Variants in DDB1 observed in about 807,000 individuals in gnomAD.
The protein encoded by DDB1 is damage specific DNA binding protein 1.
Under a neutral mutation model 133.1 loss-of-function variants are expected in DDB1, and 18 were observed. That is an observed-to-expected ratio of 0.14 (90% CI 0.09 to 0.20). The LOEUF is 0.20. DDB1 is among the 10% of genes least tolerant of loss of function. DDB1 has a pLI of 1.00. For missense variants in DDB1, 828 were observed against 1,459.2 expected (o/e 0.57, Z 7.05); for synonymous variants, 580 against 550.5 (o/e 1.05, Z -0.75).
At chr11:61,302,544 G>A in intron 24 of DDB1, 38 bp downstream of exon 24, 7 of 1,610,858 alleles carry the variant, frequency 4.3e-6, no homozygotes, top group Non-Finnish European at 5.9e-6. Flanking sequence ...TCAGGAAGGA[G>A]GCCTGTGTGG....
Position 61,309,084 on chromosome 11 carries a change from G to A in DDB1, c.2567-7C>T. On this transcript the variant is annotated splice_region_variant and splice_polypyrimidine_tract_variant and intron_variant, in intron 20 of 26. Transcript: ENST00000301764. ...GCCACAGTCTGTAGTTTTCCTGGGG[G>A]TGGAAAAAATATGTTTGAGTCTCTA... The A allele has an allele frequency of 6.2e-7, 1 of 1,613,618 alleles. No individual in the cohort carries two copies. The highest frequency in any genetic ancestry group is 8.5e-7 in the Non-Finnish European group (1 of 1,179,648).
At position 61,300,850 on chromosome 11, in the gene DDB1, T is replaced by C; in HGVS notation, c.3298A>G (p.Ile1100Val). 6.2e-7 allele frequency: 1 copy of C among 1,614,172 alleles called. No homozygotes were observed. Among genetic ancestry groups the C allele is most frequent in the African/African-American group, 1.3e-5 (1 of 75,040 alleles). Reference protein sequence around the residue: ...DGDLIESFLDISRPKMQEVVA... With the variant: ...DGDLIESFLDVSRPKMQEVVA... ...ACCTCCTGCATCTTGGGGCGGCTAA[T>C]ATCCAGGAAACTCTCAATCAAGTCA... Residue 1100 changes from isoleucine (I) to valine (V), a missense_variant, in exon 26 of 27, where the codon ATT (isoleucine) becomes GTT (valine). Ile to Val is a conservative substitution (Grantham distance 29). Coordinates refer to ENST00000301764, the MANE Select transcript of DDB1 (RefSeq NM_001923.5).
chr11:61,322,463 C>T (rs1019647609), intron 8 of DDB1, 51 bp from the exon 9 acceptor site: 2 of 1,341,134 alleles, frequency 1.5e-6, no homozygotes, highest in Non-Finnish European at 2.1e-6. Context: ...CTAACAGACC[C>T]ACCCAAAAGA....
intron 12 of DDB1, chr11:61,315,738 TCGTGG>T (rs1856051764): frequency 6.6e-6 from 1 of 152,592 alleles, no homozygotes; most frequent in Non-Finnish European, 1.5e-5. Flanking sequence ...AATGAGGCTC[TCGTGG>T]ATAACAATAT....
chr11:61,324,021 G>A lies in DDB1; in HGVS notation c.879C>T (p.Gly293=). 6.2e-7 allele frequency: 1 copy of A among 1,613,516 alleles called. No homozygotes were observed. Among genetic ancestry groups the A allele is most frequent in the South Asian group, 1.1e-5 (1 of 91,064 alleles). ...CACGGAGATCCTTGAGAGTGACGGT[G>A]CCATCCATCTGTTCCTCCTTCTCCA... is the stretch of plus-strand genomic sequence containing the variant. ...LLLEKEEQMD[G]TVTLKDLRVE... The change falls in exon 7 of 27, where the codon GGC becomes GGT. Residue 293 remains glycine (G), a synonymous_variant. Coordinates refer to ENST00000301764, the MANE Select transcript of DDB1 (RefSeq NM_001923.5).
At position 61,316,397 on chromosome 11, in the gene DDB1, C is replaced by T. The variant is rs943624259; in HGVS notation, c.1302-4G>A. The T allele has an allele frequency of 1.9e-6, 3 of 1,613,954 alleles. No homozygotes were observed. Among genetic ancestry groups the T allele is most frequent in the Non-Finnish European group, 2.5e-6 (3 of 1,179,826 alleles). ...CTCTCCATTTAACATGAGAACTCTG[C>T]AGCAGAATGGAGGGCCTGGGTCAGC... On this transcript the variant is annotated splice_polypyrimidine_tract_variant and splice_region_variant and intron_variant, in intron 11 of 26. Transcript: ENST00000301764.
chr11:61,303,310 C>A (rs28720349), intron 22 of DDB1, 155 bp from the exon 23 acceptor site: 8 of 657,988 alleles, frequency 1.2e-5, no homozygotes, highest in African/African-American at 1.8e-5. Flanking sequence ...GGATTCTCCC[C>A]GACCTCTCTG....
rs1855983584 is a variant in DDB1 at position 61,312,142 on chromosome 11, G to A, written c.2070-58C>T. 3.4e-6 allele frequency: 5 copies of A among 1,485,526 alleles called. No individual in the cohort carries two copies. The Admixed American group carries it at 5.0e-5, about 15-fold the overall frequency. 92.0% of individuals were successfully genotyped at this position (1,485,526 alleles called of 1,614,324 possible). A position where few individuals can be genotyped will look rare whatever the true frequency, so the allele number is the denominator to read the frequency against. ...GACTCAAGGAAGGCAAAGATTCTAT[G>A]AGGCAACTCCACAGAGGAAGAAAAA... On this transcript the variant is annotated intron_variant, in intron 16 of 26. Coordinates refer to ENST00000301764, the MANE Select transcript of DDB1 (RefSeq NM_001923.5).
At position 61,300,042 on chromosome 11, in the gene DDB1, C is replaced by G; in HGVS notation, c.*94G>C. The G allele has an allele frequency of 7.5e-7, 1 of 1,329,020 alleles. No individual in the cohort carries two copies. The highest frequency in any genetic ancestry group is 1.2e-5 in the South Asian group (1 of 83,320). The allele number at this position is 1,329,020 out of a possible 1,614,324, so 82.3% of individuals were successfully genotyped here. On this transcript the variant is annotated 3_prime_UTR_variant, in exon 27 of 27. Coordinates refer to ENST00000301764, the MANE Select transcript of DDB1 (RefSeq NM_001923.5). ...GGGGGCAGCTGGCTTAGGGAAAGGC[C>G]TCCCATGGCCAAGAAGACGATGGTG...
intron 10 of DDB1, among the ~76,000 whole-genome samples, chr11:61,316,941 GGATAGATATAT>G (rs1565034162): frequency 1.0e-4 from 2 of 19,354 alleles, no homozygotes; most frequent in African/African-American, 9.4e-4. Flanking sequence ...AAAAAAAAAA[GGATAGATATAT>G]ATATATATAT....
chr11:61,312,640 C>A (rs185763235), intron 16 of DDB1, among the ~76,000 whole-genome samples: 1 of 151,688 alleles, frequency 6.6e-6, no homozygotes, highest in East Asian at 1.9e-4. Context: ...TTTCTTGTCA[C>A]CAGGCTGGAG....
rs752964001 is a variant in DDB1, at chr11:61,300,858, A to C, written c.3290T>G (p.Phe1097Cys). 6.2e-7 allele frequency: 1 copy of C among 1,614,026 alleles called. No homozygotes were observed. The highest frequency in any genetic ancestry group is 8.5e-7 in the Non-Finnish European group (1 of 1,180,038). Residue 1097 changes from phenylalanine to cysteine, a missense_variant, in exon 26 of 27, where the codon TTC becomes TGC. This residue lies in a region of DDB1 where 116 missense variants were observed against 221.6 expected (regional missense o/e 0.52). Coordinates refer to ENST00000301764, the MANE Select transcript of DDB1 (RefSeq NM_001923.5). ...CATCTTGGGGCGGCTAATATCCAGG[A>C]AACTCTCAATCAAGTCACCGTCGAT... The part of the protein sequence containing the change: ...GFIDGDLIES[F>C]LDISRPKMQE...
rs1856072151 is a variant in DDB1 at position 61,316,637 on chromosome 11, G to A, written c.1226-70C>T. Reference sequence around the variant, plus strand: ...CTTAGCATGCATATCTACGGACAGGGCAGGCCAGGGGCAGTGGCTCATGCC... The same window carrying A: ...CTTAGCATGCATATCTACGGACAGGACAGGCCAGGGGCAGTGGCTCATGCC... On this transcript the variant is annotated intron_variant, in intron 10 of 26. Coordinates refer to ENST00000301764, the MANE Select transcript of DDB1 (RefSeq NM_001923.5). 7.2e-6 allele frequency: 11 copies of A among 1,519,808 alleles called. No individual in the cohort carries two copies. The East Asian group carries it at 2.5e-4, about 34-fold the overall frequency. The allele number at this position is 1,519,808 out of a possible 1,614,324, so 94.1% of individuals were successfully genotyped here.
At position 61,300,706 on chromosome 11, in the gene DDB1, G is replaced by C. The variant is rs1855778712; in HGVS notation, c.3339+103C>G. On this transcript the variant is annotated intron_variant, in intron 26 of 26. Coordinates refer to ENST00000301764, the MANE Select transcript of DDB1 (RefSeq NM_001923.5). ...GTAAGGATTACACAGAGGTCCCCTC[G>C]CATCTTGGAACTGAGGAGGAGAGGT... The C allele has an allele frequency of 3.9e-6, 6 of 1,521,414 alleles. No individual in the cohort carries two copies. The Admixed American group carries it at 7.7e-5, about 19-fold the overall frequency. The allele number at this position is 1,521,414 out of a possible 1,614,324, so 94.2% of individuals were successfully genotyped here.
intron 21 of DDB1, among the ~76,000 whole-genome samples, chr11:61,307,054 A>C (rs1855892109): frequency 6.6e-6 from 1 of 152,230 alleles, no homozygotes; most frequent in Admixed American, 6.5e-5. Flanking sequence ...ATGAACTTCC[A>C]CATCTGTTCC....
At chr11:61,323,913 C>T in intron 7 of DDB1, 66 bp downstream of exon 7, 1 of 1,570,284 alleles carries the variant, frequency 6.4e-7, no homozygotes, top group Non-Finnish European at 8.8e-7. Flanking sequence ...AGGTGTGGGA[C>T]CACACATTTG....
chr11:61,326,071 C>G, intron 5 of DDB1: 1 of 319,248 alleles, frequency 3.1e-6, no homozygotes, highest in Non-Finnish European at 6.0e-6. Flanking sequence ...TGTTCCTTAG[C>G]TTAACTTCCC....
chr11:61,332,858 CT>C, intron 1 of DDB1, 49 bp downstream of exon 1: 1 of 1,392,224 alleles, frequency 7.2e-7, no homozygotes, highest in Non-Finnish European at 9.4e-7. Flanking sequence ...TAGGCCGCGG[CT>C]CCCCCCAACT....
At chr11:61,330,334 T>A (rs1206236089) in intron 2 of DDB1, 4 of 298,394 alleles carry the variant, frequency 1.3e-5, no homozygotes, top group African/African-American at 4.3e-5. Context: ...AAAGTCTTCA[T>A]CTATTTCAAT....
Sources: allele counts gnomAD v4.1 joint callset (sites outside exome capture counted in the v4.1 genomes callset), GRCh38; gene constraint gnomAD v4.1.1; regional missense constraint gnomAD v4.1.1; transcripts MANE v1.5; gene names NCBI Gene and HGNC (gene_info 2026-07-23, HGNC 2026-07-21).